The following SHTN1 variants were observed in gnomAD, a reference collection of about 807,000 sequenced individuals.
SHTN1 encodes the protein shootin 1, also known as shootin-1.
SHTN1 carries 42 observed loss-of-function variants against 83.1 expected under a neutral mutation model. The observed-to-expected ratio is 0.51, with a 90% confidence interval of 0.39 to 0.65. SHTN1 has a LOEUF of 0.65. SHTN1 is among the 30% of genes least tolerant of loss of function. SHTN1 has a pLI of 0.00. For synonymous variants in SHTN1, 224 were observed against 247.7 expected (o/e 0.90, Z 0.90); for missense variants, 622 against 737.8 (o/e 0.84, Z 1.82).
At chr10:117,115,789 G>A (rs762656866) in intron 1 of SHTN1, among the ~76,000 whole-genome samples, 16 of 152,154 alleles carry the variant, frequency 1.1e-4, no homozygotes, top group Non-Finnish European at 2.1e-4. Flanking sequence ...CTGAGCTTTT[G>A]CTATATGCCA....
chr10:116,954,993 G>A (rs916307257), intron 4 of SHTN1, among the ~76,000 whole-genome samples: 7 of 151,488 alleles, frequency 4.6e-5, no homozygotes, highest in Admixed American at 4.0e-4. Flanking sequence ...GAGATTCTAT[G>A]GAAGTCTCTG....
At chr10:116,993,763 A>G (rs1323449049) in intron 1 of SHTN1, among the ~76,000 whole-genome samples, 3 of 152,138 alleles carry the variant, frequency 2.0e-5, no homozygotes. Context: ...AAAATAATAT[A>G]TTTTATAATA....
intron 1 of SHTN1, among the ~76,000 whole-genome samples, chr10:117,096,766 T>A (rs918190930): frequency 5.3e-5 from 8 of 152,202 alleles, no homozygotes; most frequent in African/African-American, 1.9e-4. Context: ...TGTACAAAGA[T>A]GTTAATTGGT....
chr10:117,032,399 T>G (rs1412179700), intron 2 of SHTN1, among the ~76,000 whole-genome samples: 1 of 151,986 alleles, frequency 6.6e-6, no homozygotes, highest in African/African-American at 2.4e-5. Context: ...GAGACGGGGG[T>G]TTCACTGTGT....
chr10:117,099,145 T>A (rs1589931848), intron 1 of SHTN1, among the ~76,000 whole-genome samples: 1 of 152,142 alleles, frequency 6.6e-6, no homozygotes, highest in East Asian at 1.9e-4. Flanking sequence ...AAATACTCTA[T>A]GTTCTCACTT....
At chr10:116,926,602 G>C (rs1473392326) in intron 11 of SHTN1, among the ~76,000 whole-genome samples, 11 of 152,070 alleles carry the variant, frequency 7.2e-5, no homozygotes, top group Admixed American at 7.2e-4. Flanking sequence ...AGTTGTGTGG[G>C]AGGAACATGC....
At chr10:116,987,186 C>T (rs956000818) in intron 1 of SHTN1, among the ~76,000 whole-genome samples, 1 of 152,056 alleles carries the variant, frequency 6.6e-6, no homozygotes, top group Non-Finnish European at 1.5e-5. Flanking sequence ...GCCTTCTTGT[C>T]TCATCTAAGA....
At chr10:116,947,203 T>G (rs1302064424) in intron 7 of SHTN1, among the ~76,000 whole-genome samples, 1 of 152,124 alleles carries the variant, frequency 6.6e-6, no homozygotes, top group Non-Finnish European at 1.5e-5. Flanking sequence ...GTGGCCTATT[T>G]TGTTAAATAG....
intron 2 of SHTN1, among the ~76,000 whole-genome samples, chr10:117,017,783 CA>C (rs1232858050): frequency 1.3e-5 from 2 of 152,084 alleles, no homozygotes; most frequent in Non-Finnish European, 2.9e-5. Context: ...CGAATCCTAG[CA>C]GACGGCAGTT....
intron 11 of SHTN1, among the ~76,000 whole-genome samples, chr10:116,925,794 G>T (rs558070678): frequency 6.6e-6 from 1 of 152,142 alleles, no homozygotes; most frequent in African/African-American, 2.4e-5. Flanking sequence ...CAAATGAGTG[G>T]GAAGAGAAGG....
chr10:116,996,919 G>C lies in SHTN1; in HGVS notation c.58+8103C>G, dbSNP rs576640558. Among the ~76,000 whole-genome samples, 5 of 152,266 alleles carry C rather than the reference G, an allele frequency of 3.3e-5. No homozygotes were observed. In the South Asian group the frequency reaches 1.0e-3, roughly 32 times the overall value. On this transcript the variant is annotated intron_variant, in intron 1 of 16. Transcript: ENST00000355371. ...GCTACCAGCCTAGCACATAATATGT[G>C]AGACTTTCTGAAAGTAAAGTTTCAA...
intron 1 of SHTN1, among the ~76,000 whole-genome samples, chr10:117,123,929 T>G (rs1022718004): frequency 1.4e-5 from 2 of 144,400 alleles, no homozygotes; most frequent in African/African-American, 5.2e-5. Flanking sequence ...AAAAAATTGC[T>G]GGCCAGGCAC....
chr10:117,121,702 T>C (rs1382998981), intron 1 of SHTN1, among the ~76,000 whole-genome samples: 1 of 151,666 alleles, frequency 6.6e-6, no homozygotes, highest in Non-Finnish European at 1.5e-5. Flanking sequence ...AATGGCATGG[T>C]ATTTGCATAT....
chr10:116,986,055 T>C (rs922458301), intron 1 of SHTN1, among the ~76,000 whole-genome samples: 2 of 152,206 alleles, frequency 1.3e-5, no homozygotes, highest in Non-Finnish European at 2.9e-5. Flanking sequence ...GTTCAGTTAA[T>C]AAATTAATGA....
chr10:116,984,880 C>T (rs1248775701), intron 1 of SHTN1, among the ~76,000 whole-genome samples: 2 of 152,218 alleles, frequency 1.3e-5, no homozygotes, highest in African/African-American at 2.4e-5. Context: ...CCCAAAGTCC[C>T]AGTGCTTCCC....
chr10:117,008,897 G>T (rs901946113), upstream of SHTN1, among the ~76,000 whole-genome samples: 1 of 152,090 alleles, frequency 6.6e-6, no homozygotes, highest in Non-Finnish European at 1.5e-5. Flanking sequence ...GTGGATCACC[G>T]GAGGTCAGGA....
chr10:116,942,534 G>T (rs903063040), intron 8 of SHTN1, among the ~76,000 whole-genome samples: 37 of 152,122 alleles, frequency 2.4e-4, no homozygotes, highest in African/African-American at 8.5e-4. Context: ...TTATGTTGAA[G>T]AAATTTAAAA....
At chr10:116,904,278 T>TC (rs998293026) in intron 15 of SHTN1, among the ~76,000 whole-genome samples, 26 of 152,184 alleles carry the variant, frequency 1.7e-4, no homozygotes, top group African/African-American at 5.8e-4. Flanking sequence ...TTGCTTACTT[T>TC]CCCCCCTGGA....
Position 116,883,213 on chromosome 10 carries a change from T to C in SHTN1, c.*3131A>G, listed in dbSNP as rs950593141. 5 of 152,204 alleles carry C rather than the reference T, an allele frequency of 3.3e-5. No homozygotes were observed. The highest frequency in any genetic ancestry group is 1.2e-4 in the African/African-American group (5 of 41,458). The allele number at this position is 152,204 out of a possible 1,614,324, so 9.4% of individuals were successfully genotyped here. A position where few individuals can be genotyped will look rare whatever the true frequency, so the allele number is the denominator to read the frequency against. On this transcript the variant is annotated 3_prime_UTR_variant, in exon 17 of 17. Transcript: ENST00000355371. ...CACCAATGGATAATTAGCATTTTAA[T>C]TTAAATTTCTTAGGGTGCTAGGCAC...
Sources: gnomAD v4.1 joint callset for allele counts (sites outside exome capture counted in the v4.1 genomes callset) on GRCh38, gnomAD v4.1.1 for gene constraint, MANE v1.5 for transcripts, NCBI Gene and HGNC (gene_info 2026-07-23, HGNC 2026-07-21) for gene names.